PRKCB: variants seen among roughly 807,000 people sequenced by gnomAD.
PRKCB encodes the protein protein kinase C beta type.
Under a neutral mutation model 81.5 loss-of-function variants are expected in PRKCB, and 13 were observed. That is an observed-to-expected ratio of 0.16 (90% CI 0.10 to 0.25). PRKCB has a LOEUF of 0.25. PRKCB is among the 10% of genes least tolerant of loss of function. PRKCB has a pLI of 1.00. For missense variants in PRKCB, 509 were observed against 875.7 expected, an observed-to-expected ratio of 0.58 and a Z score of 5.29; for synonymous variants, 335 against 321.4, an observed-to-expected ratio of 1.04 and a Z score of -0.45.
Position 24,106,983 on chromosome 16 carries a change from A to G in PRKCB, c.822-5990A>G, listed in dbSNP as rs956653428. Among the ~76,000 whole-genome samples the G allele has an allele frequency of 2.0e-5, 3 of 152,188 alleles. No individual in the cohort carries two copies. The East Asian group carries it at 5.8e-4, about 29-fold the overall frequency. On this transcript the variant is annotated intron_variant, in intron 7 of 16. Transcript: ENST00000643927. ...GTAATATGCATTTTTCTTATGGTAT[A>G]TAAAGCATTCGGTTCAACTCCAATC... is the stretch of plus-strand genomic sequence containing the variant.
chr16:24,117,943 G>C (rs759243568), intron 8 of PRKCB, among the ~76,000 whole-genome samples: 1 of 152,160 alleles, frequency 6.6e-6, no homozygotes, highest in Non-Finnish European at 1.5e-5. Context: ...CCACTCACCC[G>C]CACTTTCAAT....
At chr16:23,914,957 C>T (rs1163888299) in intron 2 of PRKCB, among the ~76,000 whole-genome samples, 4 of 152,230 alleles carry the variant, frequency 2.6e-5, no homozygotes, top group South Asian at 2.1e-4. Flanking sequence ...CTTCTGTTTT[C>T]TCCATGTCTG....
chr16:24,154,637 C>A (rs375177555), intron 9 of PRKCB, 47 bp from the exon 10 acceptor site: 2 of 1,598,720 alleles, frequency 1.3e-6, no homozygotes, highest in African/African-American at 2.7e-5. Context: ...CATAACTGGC[C>A]CCCAGACTCC....
chr16:24,154,684 G>A lies in PRKCB; in HGVS notation c.1066G>A (p.Val356Ile). 4 of 1,614,066 alleles carry A rather than the reference G, an allele frequency of 2.5e-6. No homozygotes were observed. Among genetic ancestry groups the A allele is most frequent in the Non-Finnish European group, 3.4e-6 (4 of 1,179,938 alleles). The change falls in exon 10 of 17, where the codon GTC (valine) becomes ATC (isoleucine). Residue 356 changes from valine to isoleucine, a missense_variant and splice_region_variant. By Grantham distance (29) the Val-to-Ile change is conservative. Coordinates refer to ENST00000643927, the MANE Select transcript of PRKCB (RefSeq NM_002738.7). ...MVLGKGSFGK[V>I]MLSERKGTDE... ...CTGACATGCTTGCTCTCTTTCCCAG[G>A]TCATGCTTTCAGAACGAAAAGGCAC...
intron 10 of PRKCB, among the ~76,000 whole-genome samples, chr16:24,167,142 TAAA>T (rs10715574): frequency 2.1e-5 from 3 of 140,634 alleles, no homozygotes; most frequent in African/African-American, 2.6e-5. Context: ...TGTTTTCTAT[TAAA>T]AAAAAAAAAA....
chr16:24,020,123 C>G (rs1596514682), intron 3 of PRKCB, among the ~76,000 whole-genome samples: 1 of 152,210 alleles, frequency 6.6e-6, no homozygotes, highest in Non-Finnish European at 1.5e-5. Flanking sequence ...GAATATGTGT[C>G]TCTGTTTCTC....
At chr16:23,909,816 G>T (rs1164133494) in intron 2 of PRKCB, among the ~76,000 whole-genome samples, 1 of 152,048 alleles carries the variant, frequency 6.6e-6, no homozygotes, top group Non-Finnish European at 1.5e-5. Context: ...GTATTCTGTG[G>T]TGTATATAGA....
At chr16:24,191,011 A>G in intron 15 of PRKCB, 79 bp from the exon 16 acceptor site, 9 of 1,498,020 alleles carry the variant, frequency 6.0e-6, no homozygotes, top group Non-Finnish European at 8.2e-6. Context: ...TTCCTAATGC[A>G]TTGGAGTAAT....
At chr16:23,878,025 G>C (rs772678913) in intron 2 of PRKCB, among the ~76,000 whole-genome samples, 1 of 151,910 alleles carries the variant, frequency 6.6e-6, no homozygotes, top group Non-Finnish European at 1.5e-5. Flanking sequence ...GTAGAGATGG[G>C]GTTTCACCAC....
intron 9 of PRKCB, among the ~76,000 whole-genome samples, chr16:24,129,118 A>C (rs559335794): frequency 6.6e-6 from 1 of 152,358 alleles, no homozygotes; most frequent in South Asian, 2.1e-4. Flanking sequence ...TTAAATATTT[A>C]ATGAATGCTA....
Position 24,217,560 on chromosome 16 carries a change from A to G in PRKCB, c.*2744A>G. 1.0e-6 allele frequency: 1 copy of G among 985,462 alleles called. No homozygotes were observed. Among genetic ancestry groups the G allele is most frequent in the Non-Finnish European group, 1.2e-6 (1 of 829,958 alleles). 61.0% of individuals were successfully genotyped at this position (985,462 alleles called of 1,614,324 possible). ...TCTCCCAACTTCTACGGTAAAATCC[A>G]GGAGTATTTTCTCTGGGGATCTGCC... On this transcript the variant is annotated 3_prime_UTR_variant, in exon 17 of 17. Coordinates refer to ENST00000643927, the MANE Select transcript of PRKCB (RefSeq NM_002738.7).
chr16:23,877,025 T>C lies in PRKCB; in HGVS notation c.205+39619T>C, dbSNP rs112526563. ...ATGGACAGAGATGTGAAGGAAAAGA[T>C]GAAGAACCAGGCTTTAGAAAGTCCT... On this transcript the variant is annotated intron_variant, in intron 2 of 16. Coordinates refer to ENST00000643927, the MANE Select transcript of PRKCB (RefSeq NM_002738.7). Among the ~76,000 whole-genome samples the C allele has an allele frequency of 4.2e-3, 636 of 152,164 alleles. 2 individuals are homozygous for C. The highest frequency in any genetic ancestry group is 0.015 in the African/African-American group (608 of 41,488).
At chr16:23,888,824 A>G (rs1335061223) in intron 2 of PRKCB, among the ~76,000 whole-genome samples, 1 of 152,126 alleles carries the variant, frequency 6.6e-6, no homozygotes. Context: ...GAAGGGTCTC[A>G]CTAGCAAGCA....
intron 2 of PRKCB, among the ~76,000 whole-genome samples, chr16:23,954,766 G>A (rs1964327361): frequency 6.6e-6 from 1 of 152,152 alleles, no homozygotes; most frequent in Non-Finnish European, 1.5e-5. Flanking sequence ...GAGTAAATGA[G>A]TCAAGCTGGG....
chr16:23,837,550 A>T (rs1962187572), intron 2 of PRKCB, 144 bp downstream of exon 2: 1 of 1,052,662 alleles, frequency 9.5e-7, no homozygotes, highest in Non-Finnish European at 1.4e-6. Context: ...TCACCACAAC[A>T]GGGTCCTTTC....
chr16:23,902,446 A>G (rs1258007682), intron 2 of PRKCB, among the ~76,000 whole-genome samples: 1 of 152,024 alleles, frequency 6.6e-6, no homozygotes, highest in African/African-American at 2.4e-5. Context: ...AGTTAGTATA[A>G]TACTTATTCT....
intron 16 of PRKCB, among the ~76,000 whole-genome samples, chr16:24,202,701 A>G (rs1233600813): frequency 1.3e-5 from 2 of 152,216 alleles, no homozygotes; most frequent in Non-Finnish European, 2.9e-5. Flanking sequence ...CATGCTGTGT[A>G]CAATTTCTGT....
chr16:23,977,852 C>T (rs958773828), intron 2 of PRKCB, among the ~76,000 whole-genome samples: 17 of 152,048 alleles, frequency 1.1e-4, no homozygotes, highest in Non-Finnish European at 2.2e-4. Flanking sequence ...TCTCCCTGCC[C>T]GTGGTCTCTG....
intron 5 of PRKCB, 104 bp from the exon 6 acceptor site, chr16:24,092,687 C>T: frequency 8.9e-7 from 1 of 1,127,170 alleles, no homozygotes; most frequent in Non-Finnish European, 1.3e-6. Context: ...TCTCACTAAA[C>T]AAGTGTGATG....
Sources: allele counts gnomAD v4.1 joint callset (sites outside exome capture counted in the v4.1 genomes callset), GRCh38; gene constraint gnomAD v4.1.1; transcripts MANE v1.5; gene names NCBI Gene and HGNC (gene_info 2026-07-23, HGNC 2026-07-21).